Variants in PPM1L observed in about 807,000 individuals in gnomAD.
The protein encoded by PPM1L is protein phosphatase 1L.
A neutral mutation model predicts 31.4 loss-of-function variants in PPM1L; 13 were observed. The observed-to-expected ratio is 0.41, with a 90% CI of 0.27 to 0.66. The LOEUF (loss-of-function observed/expected upper bound fraction) is 0.66. Ranked by LOEUF, PPM1L falls within the 30% of genes least tolerant of loss-of-function variation. PPM1L has a pLI of 0.29. For missense variants in PPM1L, 326 were observed against 453.7 expected, an observed-to-expected ratio of 0.72 and a Z score of 2.56; for synonymous variants, 184 against 175.4, an observed-to-expected ratio of 1.05 and a Z score of -0.39.
At chr3:160,841,517 A>T (rs1014085734) in intron 1 of PPM1L, among the ~76,000 whole-genome samples, 3 of 152,206 alleles carry the variant, frequency 2.0e-5, no homozygotes, top group African/African-American at 7.2e-5. Context: ...TGACAACATT[A>T]GGAGGAAAAT....
At chr3:160,981,911 C>G (rs1169314895) in intron 2 of PPM1L, among the ~76,000 whole-genome samples, 1 of 151,936 alleles carries the variant, frequency 6.6e-6, no homozygotes, top group African/African-American at 2.4e-5. Context: ...TACAGGTGCA[C>G]ACCACCACAC....
At chr3:160,760,449 T>C (rs749783366) in intron 1 of PPM1L, among the ~76,000 whole-genome samples, 19 of 152,294 alleles carry the variant, frequency 1.2e-4, no homozygotes, top group Middle Eastern at 6.8e-3. Flanking sequence ...TAAAGAGCCT[T>C]ATCTCAGTGG....
chr3:160,964,036 A>G (rs1306943565), intron 2 of PPM1L, among the ~76,000 whole-genome samples: 1 of 152,046 alleles, frequency 6.6e-6, no homozygotes, highest in Non-Finnish European at 1.5e-5. Flanking sequence ...CTCACATGAT[A>G]ATAATAAAAT....
rs1720089585 is a variant in PPM1L, at chr3:161,076,161, A to T, written c.*7004A>T. On this transcript the variant is annotated 3_prime_UTR_variant, in exon 4 of 4. Coordinates refer to ENST00000498165, the MANE Select transcript of PPM1L (RefSeq NM_139245.4). ...GGTCAGGTTGCTCATATGATTAAAA[A>T]AATTAATCCTGTAGAAATGATGTAT... The T allele has an allele frequency of 6.6e-6, 1 of 152,236 alleles. No individual in the cohort carries two copies. Among genetic ancestry groups the T allele is most frequent in the Non-Finnish European group, 1.5e-5 (1 of 68,040 alleles). 9.4% of individuals were successfully genotyped at this position (152,236 alleles called of 1,614,324 possible).
rs1194626176 is a variant in PPM1L at position 160,967,771 on chromosome 3, A to G, written c.574+5861A>G. Reference sequence around the variant, plus strand: ...TTGAAAGAAAACTTGGAACCAAAAGATCCAGATTCTATTTCTAGTCTAGCT... The same window carrying G: ...TTGAAAGAAAACTTGGAACCAAAAGGTCCAGATTCTATTTCTAGTCTAGCT... On this transcript the variant is annotated intron_variant, in intron 2 of 3. Coordinates refer to ENST00000498165, the MANE Select transcript of PPM1L (RefSeq NM_139245.4). Among the ~76,000 whole-genome samples, 9 of 152,178 alleles carry G rather than the reference A, an allele frequency of 5.9e-5. No individual in the cohort carries two copies. The East Asian group carries it at 1.7e-3, about 29-fold the overall frequency.
chr3:161,054,130 G>A (rs150065727), intron 2 of PPM1L, among the ~76,000 whole-genome samples: 248 of 152,058 alleles, frequency 1.6e-3, no homozygotes, highest in African/African-American at 5.7e-3. Context: ...ATATATGGGC[G>A]TGTCCCATCA....
chr3:160,786,155 C>CTGTGTGTGTGTGTG (rs796240930), intron 1 of PPM1L, among the ~76,000 whole-genome samples: 2 of 83,218 alleles, frequency 2.4e-5, no homozygotes, highest in African/African-American at 1.7e-4. Context: ...CTCTCTCTCT[C>CTGTGTGTGTGTGTG]TCTGTGTGTG....
intron 1 of PPM1L, among the ~76,000 whole-genome samples, chr3:160,878,162 G>A (rs1390004776): frequency 1.3e-5 from 2 of 152,178 alleles, no homozygotes; most frequent in Non-Finnish European, 2.9e-5. Context: ...CCCAGTTGGA[G>A]TGCATACAGA....
intron 1 of PPM1L, among the ~76,000 whole-genome samples, chr3:160,765,717 T>C (rs1019226596): frequency 1.3e-5 from 2 of 152,240 alleles, no homozygotes; most frequent in Non-Finnish European, 2.9e-5. Context: ...CAAAAATGAC[T>C]TATATTTTAT....
intron 1 of PPM1L, among the ~76,000 whole-genome samples, chr3:160,851,106 AC>A (rs1346901462): frequency 2.0e-5 from 3 of 152,088 alleles, no homozygotes; most frequent in African/African-American, 7.2e-5. Context: ...CCACTGTACG[AC>A]CAGATAGATG....
intron 3 of PPM1L, 91 bp from the exon 4 acceptor site, chr3:161,068,720 A>G (rs752368619): frequency 4.7e-5 from 49 of 1,044,942 alleles, no homozygotes; most frequent in Non-Finnish European, 6.4e-5. Context: ...GTTCACATGA[A>G]GTAGGTCACC....
chr3:160,993,134 C>T, intron 2 of PPM1L, among the ~76,000 whole-genome samples: 1 of 151,698 alleles, frequency 6.6e-6, no homozygotes, highest in East Asian at 1.9e-4. Context: ...TACACAGTGC[C>T]TGATATAGGT....
chr3:161,020,274 C>G (rs1009248650), intron 2 of PPM1L, among the ~76,000 whole-genome samples: 1 of 151,810 alleles, frequency 6.6e-6, no homozygotes, highest in African/African-American at 2.4e-5. Context: ...TTATTTATTT[C>G]TACACCAGGA....
intron 2 of PPM1L, among the ~76,000 whole-genome samples, chr3:161,050,046 G>A (rs1719221418): frequency 6.6e-6 from 1 of 152,188 alleles, no homozygotes; most frequent in African/African-American, 2.4e-5. Flanking sequence ...ATGTGGTATG[G>A]TGGTGTCACC....
rs1559896985 is a variant in PPM1L at position 160,944,823 on chromosome 3, A to ATATAACATATATTATATATGT, written c.400-16909_400-16908insACATATATTATATATGTTATA. ...ATAACATATATAACATATATATGTT[A>ATATAACATATATTATATATGT]TATATAACATATATATGTTATATAT... On this transcript the variant is annotated intron_variant, in intron 1 of 3. Transcript: ENST00000498165. Among the ~76,000 whole-genome samples the ATATAACATATATTATATATGT allele has an allele frequency of 1.4e-3, 24 of 16,692 alleles. 3 individuals are homozygous for ATATAACATATATTATATATGT. The highest frequency in any genetic ancestry group is 3.1e-3 in the East Asian group (3 of 966). The allele number at this position is 16,692 out of a possible 152,430, so 11.0% of individuals were successfully genotyped here.
At chr3:161,033,650 C>T (rs183183366) in intron 2 of PPM1L, among the ~76,000 whole-genome samples, 65 of 152,072 alleles carry the variant, frequency 4.3e-4, no homozygotes, top group African/African-American at 1.5e-3. Context: ...TGTAGAAAAC[C>T]GAAAATGCAC....
intron 2 of PPM1L, among the ~76,000 whole-genome samples, chr3:161,053,880 T>G (rs980976): frequency 0.64 from 98,124 of 152,178 alleles, 34,223 homozygotes; most frequent in East Asian, 0.97. Context: ...CTCATATTCA[T>G]CCAGTGTCAA....
rs1720104790 is a variant in PPM1L, at chr3:161,076,565, T to C, written c.*7408T>C. On this transcript the variant is annotated 3_prime_UTR_variant, in exon 4 of 4. Transcript: ENST00000498165. ...CATTGAAACATTAACATCTACAATA[T>C]TGTCTTTCAGTTTACTCTTCAATTA... 6.6e-6 allele frequency: 1 copy of C among 152,236 alleles called. No homozygotes were observed. Among genetic ancestry groups the C allele is most frequent in the Non-Finnish European group, 1.5e-5 (1 of 68,036 alleles). The allele number at this position is 152,236 out of a possible 1,614,324, so 9.4% of individuals were successfully genotyped here. A position where few individuals can be genotyped will look rare whatever the true frequency, so the allele number is the denominator to read the frequency against.
At chr3:160,821,758 A>G (rs1256126313) in intron 1 of PPM1L, among the ~76,000 whole-genome samples, 4 of 151,758 alleles carry the variant, frequency 2.6e-5, no homozygotes, top group Non-Finnish European at 4.4e-5. Flanking sequence ...ATATTTGTGG[A>G]CTTCTTTATC....
Sources: gnomAD v4.1 joint callset for allele counts (sites outside exome capture counted in the v4.1 genomes callset) on GRCh38, gnomAD v4.1.1 for gene constraint, MANE v1.5 for transcripts, NCBI Gene and HGNC (gene_info 2026-07-23, HGNC 2026-07-21) for gene names.